The following RBM20 variants were observed in gnomAD, a reference collection of about 807,000 sequenced individuals.
RBM20 encodes the protein RNA-binding protein 20.
In RBM20, 51 loss-of-function variants were observed where a neutral mutation model predicts 110.1. The observed-to-expected ratio is 0.46, with a 90% confidence interval of 0.37 to 0.59. The LOEUF is 0.59. RBM20 is among the 20% of genes least tolerant of loss of function. RBM20 has a pLI of 0.00. For missense variants in RBM20, 1,512 were observed against 1,574.9 expected (o/e 0.96, Z 0.68); for synonymous variants, 589 against 618.2 (o/e 0.95, Z 0.70).
rs1386479730 is a variant in RBM20, at chr10:110,792,165, A to G, written c.1528-5343A>G. ...TGTCTATCTATCTATCTATCTATCT[A>G]TCTATCTATCTATCTATCTATCTAT... On this transcript the variant is annotated intron_variant, in intron 5 of 13. Transcript: ENST00000369519. Among the ~76,000 whole-genome samples the G allele has an allele frequency of 2.6e-5, 4 of 151,544 alleles. No individual in the cohort carries two copies. In the South Asian group the frequency reaches 6.3e-4, roughly 24 times the overall value.
intron 13 of RBM20, among the ~76,000 whole-genome samples, chr10:110,833,591 C>T (rs1180568864): frequency 6.6e-6 from 1 of 152,108 alleles, no homozygotes; most frequent in Non-Finnish European, 1.5e-5. Flanking sequence ...AGTTCAAGGT[C>T]ACCTCGGAAG....
chr10:110,809,625 A>G (rs1224403101), intron 7 of RBM20, among the ~76,000 whole-genome samples: 2 of 152,106 alleles, frequency 1.3e-5, no homozygotes, highest in Non-Finnish European at 2.9e-5. Flanking sequence ...TCTGGGAAGG[A>G]TGGAGCCCTG....
At chr10:110,774,449 A>G (rs1844234587) in intron 1 of RBM20, among the ~76,000 whole-genome samples, 1 of 152,162 alleles carries the variant, frequency 6.6e-6, no homozygotes, top group South Asian at 2.1e-4. Context: ...AAGAAAGAGC[A>G]CTATCCAAAA....
chr10:110,797,423 GA>G (rs1237204711), intron 5 of RBM20, 84 bp from the exon 6 acceptor site: 1 of 1,300,190 alleles, frequency 7.7e-7, no homozygotes, highest in Non-Finnish European at 1.0e-6. Context: ...TTGTTTAGGG[GA>G]AAGATAGCCA....
In RBM20 at chr10:110,820,100, A is replaced by G. The variant is rs758720475; in HGVS notation, c.2579A>G (p.Glu860Gly). 1.1e-5 allele frequency: 17 copies of G among 1,550,750 alleles called. No homozygotes were observed. In the African/African-American group the frequency reaches 2.3e-4, roughly 21 times the overall value. The change falls in exon 10 of 14, where the codon GAA becomes GGA. Residue 860 changes from glutamate to glycine, a missense_variant. Physicochemically the swap from Glu to Gly is moderately conservative, Grantham distance 98. Coordinates refer to ENST00000369519, the MANE Select transcript of RBM20 (RefSeq NM_001134363.3). ...GGAAAAGAGGAACAGGAGGGCATGGAAGAAAGCCCTCAATCAGTGGGCAGA... is the reference window on the plus strand; with the variant it reads ...GGAAAAGAGGAACAGGAGGGCATGGGAGAAAGCCCTCAATCAGTGGGCAGA... ...EAGKEEQEGM[E>G]ESPQSVGRQE...
chr10:110,765,506 CTA>C (rs1303430231), intron 1 of RBM20, among the ~76,000 whole-genome samples: 1 of 152,236 alleles, frequency 6.6e-6, no homozygotes, highest in Middle Eastern at 3.4e-3. Flanking sequence ...TTAAACAAAA[CTA>C]TTTTCATTGT....
At chr10:110,649,269 G>A (rs928237496) in intron 1 of RBM20, among the ~76,000 whole-genome samples, 4 of 151,268 alleles carry the variant, frequency 2.6e-5, no homozygotes, top group African/African-American at 9.7e-5. Context: ...ATTTATTTTT[G>A]TGGCTTTAAG....
chr10:110,704,049 T>C (rs1590627030), intron 1 of RBM20, among the ~76,000 whole-genome samples: 2 of 152,024 alleles, frequency 1.3e-5, no homozygotes, highest in Non-Finnish European at 2.9e-5. Context: ...AAAGTGGAGG[T>C]TGCAGTAAGC....
At chr10:110,773,753 G>A (rs143176589) in intron 1 of RBM20, among the ~76,000 whole-genome samples, 174 of 152,250 alleles carry the variant, frequency 1.1e-3, no homozygotes, top group African/African-American at 3.8e-3. Context: ...GTTTTGAGCC[G>A]TTCTAATAAG....
chr10:110,797,652 G>C lies in RBM20; in HGVS notation c.1668+4G>C. The C allele has an allele frequency of 6.4e-7, 1 of 1,551,694 alleles. No individual in the cohort carries two copies. The highest frequency in any genetic ancestry group is 1.4e-5 in the African/African-American group (1 of 73,140). On this transcript the variant is annotated splice_donor_region_variant and intron_variant, in intron 6 of 13. Transcript: ENST00000369519. ...CCTCATGAAGTCGACTAATCAGGTA[G>C]GTCTGGGTACTTTCACTCCAGTGTA...
intron 1 of RBM20, among the ~76,000 whole-genome samples, chr10:110,746,233 G>C (rs1306566520): frequency 6.6e-6 from 1 of 152,156 alleles, no homozygotes; most frequent in African/African-American, 2.4e-5. Flanking sequence ...GGCCAATTGA[G>C]GTAGAGGCTT....
intron 1 of RBM20, among the ~76,000 whole-genome samples, chr10:110,664,864 T>C (rs544449547): frequency 9.2e-5 from 14 of 152,146 alleles, no homozygotes; most frequent in African/African-American, 2.6e-4. Context: ...CTGTCCTCCT[T>C]CTTCAGTCTC....
At chr10:110,740,427 A>G (rs1482782672) in intron 1 of RBM20, among the ~76,000 whole-genome samples, 1 of 152,168 alleles carries the variant, frequency 6.6e-6, no homozygotes, top group South Asian at 2.1e-4. Context: ...TGAGTGTTTC[A>G]TGGGCAAGGG....
intron 1 of RBM20, among the ~76,000 whole-genome samples, chr10:110,700,469 C>G (rs1435219738): frequency 6.6e-6 from 1 of 152,158 alleles, no homozygotes; most frequent in Non-Finnish European, 1.5e-5. Flanking sequence ...AACAGGAACC[C>G]CAACAGTGGC....
At chr10:110,653,419 T>G (rs544866423) in intron 1 of RBM20, among the ~76,000 whole-genome samples, 1 of 152,368 alleles carries the variant, frequency 6.6e-6, no homozygotes, top group East Asian at 1.9e-4. Flanking sequence ...GAAAGTAATT[T>G]GCATAACTAT....
chr10:110,697,705 A>G (rs1249934558), intron 1 of RBM20, among the ~76,000 whole-genome samples: 1 of 151,518 alleles, frequency 6.6e-6, no homozygotes, highest in Non-Finnish European at 1.5e-5. Flanking sequence ...CTATCCCTTC[A>G]TTTCCTCCCT....
intron 1 of RBM20, among the ~76,000 whole-genome samples, chr10:110,645,300 G>A (rs1434936472): frequency 3.3e-5 from 5 of 152,194 alleles, no homozygotes; most frequent in African/African-American, 1.2e-4. Context: ...AATAAGCCCC[G>A]AGAGGCTCTT....
intron 9 of RBM20, among the ~76,000 whole-genome samples, chr10:110,814,130 G>C (rs1393301739): frequency 6.6e-6 from 1 of 152,168 alleles, no homozygotes; most frequent in Admixed American, 6.5e-5. Context: ...AATACTAAGT[G>C]CAAATAAGGA....
At chr10:110,650,172 A>G (rs1434974685) in intron 1 of RBM20, among the ~76,000 whole-genome samples, 1 of 152,192 alleles carries the variant, frequency 6.6e-6, no homozygotes, top group Non-Finnish European at 1.5e-5. Flanking sequence ...CCTCCCCCCA[A>G]ATAACTTGTG....
Sources: gnomAD v4.1 joint callset for allele counts (sites outside exome capture counted in the v4.1 genomes callset) on GRCh38, gnomAD v4.1.1 for gene constraint, MANE v1.5 for transcripts, NCBI Gene and HGNC (gene_info 2026-07-23, HGNC 2026-07-21) for gene names.